The following SMIM13 variants were observed in gnomAD, a reference collection of about 807,000 sequenced individuals.
The protein encoded by SMIM13 is UPF0766 protein C6orf228.
In SMIM13, 3 loss-of-function variants were observed where a neutral mutation model predicts 5.9. The ratio of observed to expected loss-of-function variants is 0.51; its 90% confidence interval spans 0.23 to 1.31. SMIM13 has a LOEUF of 1.31. Among genes scored for constraint, SMIM13 ranks in the 40% most tolerant of loss-of-function variants. The pLI is 0.18. For missense variants in SMIM13, 85 were observed against 109.9 expected (o/e 0.77, Z 1.01); for synonymous variants, 55 against 46.0 (o/e 1.19, Z -0.79).
intron 1 of SMIM13, chr6:11,105,249 T>G: frequency 6.2e-7 from 1 of 1,613,992 alleles, no homozygotes; most frequent in East Asian, 2.2e-5. Context: ...TAACGGGAAA[T>G]CAGGATGGCG....
At position 11,109,970 on chromosome 6, in the gene SMIM13, G is replaced by A. The variant is rs139912527; in HGVS notation, c.76+15581G>A. ...CCCCATTCATCCATTTTTCCTTTGCGTATGGCAGTGTCCCCCATTCATTCT... is the reference window on the plus strand; with the variant it reads ...CCCCATTCATCCATTTTTCCTTTGCATATGGCAGTGTCCCCCATTCATTCT... On this transcript the variant is annotated intron_variant, in intron 1 of 1. Coordinates refer to ENST00000416247, the MANE Select transcript of SMIM13 (RefSeq NM_001135575.2). Among the ~76,000 whole-genome samples, 82 of 152,230 alleles carry A rather than the reference G, an allele frequency of 5.4e-4. 2 individuals carry two copies. Among genetic ancestry groups the A allele is most frequent in the Middle Eastern group, 3.4e-3 (1 of 294 alleles).
intron 1 of SMIM13, among the ~76,000 whole-genome samples, chr6:11,123,273 A>G (rs578215015): frequency 6.6e-6 from 1 of 152,294 alleles, no homozygotes; most frequent in South Asian, 2.1e-4. Context: ...ATGCTGAGCA[A>G]ATGACCTCAG....
rs1758518021 is a variant in SMIM13, at chr6:11,136,398, T to C, written c.*1796T>C. 6.6e-6 allele frequency: 1 copy of C among 152,224 alleles called. No individual in the cohort carries two copies. Among genetic ancestry groups the C allele is most frequent in the Admixed American group, 6.5e-5 (1 of 15,276 alleles). 9.4% of individuals were successfully genotyped at this position (152,224 alleles called of 1,614,324 possible). On this transcript the variant is annotated 3_prime_UTR_variant, in exon 2 of 2. Coordinates refer to ENST00000416247, the MANE Select transcript of SMIM13 (RefSeq NM_001135575.2). ...TGAAGTGCAAAGCCAACTTACTTTA[T>C]TAATCCAAGTTCTTTTTATGTTTTT...
At position 11,137,345 on chromosome 6, in the gene SMIM13, TAAGA is replaced by T. The variant is rs946900667; in HGVS notation, c.*2747_*2750del. 5 of 152,118 alleles carry T rather than the reference TAAGA, an allele frequency of 3.3e-5. No homozygotes were observed. 9.4% of individuals were successfully genotyped at this position (152,118 alleles called of 1,614,324 possible). A position where few individuals can be genotyped will look rare whatever the true frequency, so the allele number is the denominator to read the frequency against. ...CATGGTACATATTTCTTAATGCCAC[TAAGA>T]AAGGCAAGATAGTGAACGCAGAATT... is the stretch of plus-strand genomic sequence containing the variant. On this transcript the variant is annotated 3_prime_UTR_variant, in exon 2 of 2. Transcript: ENST00000416247.
At chr6:11,125,607 CAAA>C (rs1380149137) in intron 1 of SMIM13, among the ~76,000 whole-genome samples, 9 of 152,046 alleles carry the variant, frequency 5.9e-5, no homozygotes, top group Non-Finnish European at 1.0e-4. Context: ...CGTCTCAAAA[CAAA>C]AGACAAAACA....
At chr6:11,113,343 G>A (rs944501657) in intron 1 of SMIM13, among the ~76,000 whole-genome samples, 4 of 152,128 alleles carry the variant, frequency 2.6e-5, no homozygotes, top group African/African-American at 9.7e-5. Flanking sequence ...TGGGTATTAT[G>A]CTTTTGATTT....
At chr6:11,124,054 G>T (rs72825137) in intron 1 of SMIM13, among the ~76,000 whole-genome samples, 3,080 of 151,886 alleles carry the variant, frequency 0.02, 47 homozygotes, top group South Asian at 0.05. Context: ...GTAAGTTATT[G>T]TTGACTGTAA....
chr6:11,103,608 A>T (rs1157580616), intron 1 of SMIM13: 1 of 1,459,634 alleles, frequency 6.9e-7, no homozygotes, highest in South Asian at 1.5e-5. Flanking sequence ...TGGATTGGCA[A>T]AAACCATATC....
chr6:11,106,430 G>C lies in SMIM13; in HGVS notation c.76+12041G>C, dbSNP rs186046083. On this transcript the variant is annotated intron_variant, in intron 1 of 1. Transcript: ENST00000416247. ...CACAAAGTGCAGGCTTGACAAACCT[G>C]TTGAATAGTTTTATTTAGTCCCTCC... 1.0e-3 allele frequency among the ~76,000 whole-genome samples: 158 copies of C among 152,360 alleles called. 1 individual carries two copies. The South Asian group carries it at 0.012, about 12-fold the overall frequency.
intron 1 of SMIM13, among the ~76,000 whole-genome samples, chr6:11,114,456 T>C (rs936424275): frequency 2.6e-5 from 4 of 151,964 alleles, no homozygotes; most frequent in Non-Finnish European, 4.4e-5. Flanking sequence ...TAGATATTCT[T>C]TATCAAGTTT....
At chr6:11,112,007 A>G (rs1477952073) in intron 1 of SMIM13, among the ~76,000 whole-genome samples, 1 of 152,106 alleles carries the variant, frequency 6.6e-6, no homozygotes, top group Non-Finnish European at 1.5e-5. Flanking sequence ...CCAGCTTCGG[A>G]GATCTTATCA....
At chr6:11,103,692 C>T (rs776985820) in intron 1 of SMIM13, 4 of 1,548,512 alleles carry the variant, frequency 2.6e-6, no homozygotes, top group Non-Finnish European at 3.5e-6. Context: ...TAGGGGTCCT[C>T]CTTAGAAGGG....
chr6:11,128,358 G>T, intron 1 of SMIM13, among the ~76,000 whole-genome samples: 1 of 152,228 alleles, frequency 6.6e-6, no homozygotes, highest in South Asian at 2.1e-4. Flanking sequence ...ACTCTGCTTG[G>T]TGCCCTATTC....
At chr6:11,124,418 C>T (rs1467584150) in intron 1 of SMIM13, among the ~76,000 whole-genome samples, 1 of 152,164 alleles carries the variant, frequency 6.6e-6, no homozygotes, top group East Asian at 1.9e-4. Flanking sequence ...TAGGTTGCTT[C>T]CAAATCTTGA....
intron 1 of SMIM13, among the ~76,000 whole-genome samples, chr6:11,119,372 G>A (rs1236175180): frequency 2.0e-5 from 3 of 151,932 alleles, no homozygotes; most frequent in Non-Finnish European, 4.4e-5. Flanking sequence ...TTTGGTCCTC[G>A]GGCCGGGCTC....
intron 1 of SMIM13, among the ~76,000 whole-genome samples, chr6:11,130,269 A>C (rs1758436376): frequency 8.1e-6 from 1 of 122,702 alleles, no homozygotes; most frequent in Non-Finnish European, 1.8e-5. Flanking sequence ...AAAAAAAAAA[A>C]CAACAACAAC....
intron 1 of SMIM13, among the ~76,000 whole-genome samples, chr6:11,096,949 C>T (rs1033689089): frequency 6.6e-6 from 1 of 152,232 alleles, no homozygotes; most frequent in Non-Finnish European, 1.5e-5. Context: ...CCTCGGCTTC[C>T]CAAAGTGCTG....
intron 1 of SMIM13, chr6:11,103,944 A>T: frequency 1.3e-6 from 2 of 1,551,696 alleles, no homozygotes; most frequent in Non-Finnish European, 1.7e-6. Context: ...GGCTTGATTT[A>T]GGAGTTGTCT....
At chr6:11,100,121 C>T (rs1003280975) in intron 1 of SMIM13, among the ~76,000 whole-genome samples, 1 of 151,942 alleles carries the variant, frequency 6.6e-6, no homozygotes, top group South Asian at 2.1e-4. Context: ...AGTCCAGTGG[C>T]GTGATCTCGG....
Sources: allele counts gnomAD v4.1 joint callset (sites outside exome capture counted in the v4.1 genomes callset), GRCh38; gene constraint gnomAD v4.1.1; transcripts MANE v1.5; gene names NCBI Gene and HGNC (gene_info 2026-07-23, HGNC 2026-07-21).